The following MGST1 variants were observed in gnomAD, a reference collection of about 807,000 sequenced individuals.
The protein encoded by MGST1 is microsomal glutathione S-transferase 1.
Under a neutral mutation model 8.9 loss-of-function variants are expected in MGST1, and 5 were observed. That is an observed-to-expected ratio of 0.56 (90% CI 0.29 to 1.19). The LOEUF (loss-of-function observed/expected upper bound fraction) is 1.19, where lower values mean the gene tolerates loss of function less well. Among genes scored for constraint, MGST1 ranks in the 50% most tolerant of loss-of-function variants. The probability of loss-of-function intolerance (pLI) is 0.08; values close to 1 mark genes in which losing one functional copy is unlikely to be tolerated. For missense variants in MGST1, 182 were observed against 187.4 expected (o/e 0.97, Z 0.17); for synonymous variants, 54 against 67.8 (o/e 0.80, Z 1.00).
At chr12:16,554,597 A>G (rs575491825) in intron 4 of MGST1, among the ~76,000 whole-genome samples, 5 of 152,342 alleles carry the variant, frequency 3.3e-5, no homozygotes, top group African/African-American at 1.2e-4. Context: ...GACACTACCC[A>G]CACCCCAAAT....
Position 16,400,147 on chromosome 12 carries a change from T to A in MGST1, n.778+16543T>A, listed in dbSNP as rs149340970. ...TTCCATCTGCTCAGCATAGAGGTCA[T>A]CTCGGTCATGCATATGTTGATGTTT... is the stretch of plus-strand genomic sequence containing the variant. On this transcript the variant is annotated intron_variant and non_coding_transcript_variant, in intron 1 of 1. Coordinates refer to the MGST1 transcript ENST00000359720. The A allele has an allele frequency of 3.2e-4, 439 of 1,390,238 alleles. 3 individuals are homozygous for A. In the East Asian group the frequency reaches 8.4e-3, roughly 27 times the overall value. The allele number at this position is 1,390,238 out of a possible 1,614,324, so 86.1% of individuals were successfully genotyped here. A position where few individuals can be genotyped will look rare whatever the true frequency, so the allele number is the denominator to read the frequency against.
At chr12:16,364,519 A>G (rs554298767), downstream of MGST1, 26 of 455,576 alleles carry the variant, frequency 5.7e-5, no homozygotes, top group South Asian at 2.3e-3. The surrounding 1 kb of genome is among the most constrained non-coding windows in gnomAD (Gnocchi z 5.7). Flanking sequence ...TAGAATCGCC[A>G]GTTGTTAACA....
At position 16,413,563 on chromosome 12, in the gene MGST1, C is replaced by A. The variant is rs1940760293; in HGVS notation, n.779-23825C>A. ...GGTAGATGGTGAAATACCCATCACA[C>A]CTGATTCCCTTTTATCCCCTCCCCA... On this transcript the variant is annotated intron_variant and non_coding_transcript_variant, in intron 1 of 1. Transcript: ENST00000359720. The surrounding 1 kb of genome is among the most constrained non-coding windows in gnomAD (Gnocchi z 4.0). 6.6e-6 allele frequency among the ~76,000 whole-genome samples: 1 copy of A among 152,158 alleles called. No individual in the cohort carries two copies. Among genetic ancestry groups the A allele is most frequent in the Admixed American group, 6.6e-5 (1 of 15,266 alleles).
intron 4 of MGST1, among the ~76,000 whole-genome samples, chr12:16,453,307 GC>G (rs1473463149): frequency 6.6e-6 from 1 of 151,842 alleles, no homozygotes; most frequent in African/African-American, 2.4e-5. Flanking sequence ...AAATTCTGAA[GC>G]TTTTCCTTAA....
intron 4 of MGST1, among the ~76,000 whole-genome samples, chr12:16,526,501 C>A (rs923448202): frequency 6.6e-6 from 1 of 151,788 alleles, no homozygotes; most frequent in African/African-American, 2.4e-5. Flanking sequence ...AAATTTCCTG[C>A]AGAATATTGT....
intron 4 of MGST1, among the ~76,000 whole-genome samples, chr12:16,570,143 A>AT (rs778723855): frequency 1.1e-4 from 16 of 152,266 alleles, no homozygotes; most frequent in East Asian, 3.9e-4. Flanking sequence ...GCTTTTAAGA[A>AT]TTTTTTGTGA....
At chr12:16,384,284 C>G (rs201117700) in intron 1 of MGST1, among the ~76,000 whole-genome samples, 1 of 151,992 alleles carries the variant, frequency 6.6e-6, no homozygotes, top group African/African-American at 2.4e-5. Context: ...TAAATGTGAC[C>G]TTTTGTGGAA....
Position 16,401,918 on chromosome 12 carries a change from C to G in MGST1, n.778+18314C>G. 6.2e-7 allele frequency: 1 copy of G among 1,607,844 alleles called. No individual in the cohort carries two copies. The highest frequency in any genetic ancestry group is 8.5e-7 in the Non-Finnish European group (1 of 1,174,264). Reference sequence around the variant, plus strand: ...CCTCCCTTACAGCGACTGTATATGCCACAACTGCACTGATATCTATTTTGT... The same window carrying G: ...CCTCCCTTACAGCGACTGTATATGCGACAACTGCACTGATATCTATTTTGT... On this transcript the variant is annotated intron_variant and non_coding_transcript_variant, in intron 1 of 1. Coordinates refer to the MGST1 transcript ENST00000359720. The surrounding 1 kb of genome is among the most constrained non-coding windows in gnomAD (Gnocchi z 4.3).
downstream of MGST1, among the ~76,000 whole-genome samples, chr12:16,380,422 G>A (rs945994643): frequency 1.3e-5 from 2 of 152,168 alleles, no homozygotes; most frequent in South Asian, 4.1e-4. Context: ...TCAGGAGCAG[G>A]TTGTTCAGTT....
intron 4 of MGST1, among the ~76,000 whole-genome samples, chr12:16,568,624 G>C (rs1344729618): frequency 6.6e-6 from 1 of 152,160 alleles, no homozygotes; most frequent in African/African-American, 2.4e-5. Flanking sequence ...AATAATTTTT[G>C]AAAATATTGA....
At chr12:16,551,193 T>A in intron 4 of MGST1, 1 of 1,338,282 alleles carries the variant, frequency 7.5e-7, no homozygotes, top group Non-Finnish European at 1.1e-6. Context: ...TGTAGTGCTT[T>A]GTATTCTTAA....
At chr12:16,431,488 T>G in intron 1 of MGST1, among the ~76,000 whole-genome samples, 1 of 152,022 alleles carries the variant, frequency 6.6e-6, no homozygotes, top group Non-Finnish European at 1.5e-5. Flanking sequence ...TCAGAGGCCA[T>G]TGTAAGTTCA....
chr12:16,505,542 C>G (rs1302894046), intron 4 of MGST1, among the ~76,000 whole-genome samples: 1 of 152,180 alleles, frequency 6.6e-6, no homozygotes, highest in Non-Finnish European at 1.5e-5. Context: ...AATTCAGTGT[C>G]CTTCTTTCTT....
chr12:16,354,263 T>G lies in MGST1; in HGVS notation c.11T>G (p.Leu4Arg), dbSNP rs1254825347. Residue 4 changes from leucine to arginine, a missense_variant, in exon 2 of 4, where the codon CTC (leucine) becomes CGC (arginine). Transcript: ENST00000396210. ...ACCAAAATTGAAAAAATGGTTGACC[T>G]CACCCAGGTAATGGATGATGAAGTA... is the stretch of plus-strand genomic sequence containing the variant. MVD[L>R]TQVMDDEVFM... The G allele has an allele frequency of 6.3e-7, 1 of 1,587,088 alleles. No individual in the cohort carries two copies. Among genetic ancestry groups the G allele is most frequent in the African/African-American group, 1.4e-5 (1 of 73,550 alleles).
chr12:16,411,270 C>A (rs1452316196), intron 1 of MGST1, among the ~76,000 whole-genome samples: 1 of 152,072 alleles, frequency 6.6e-6, no homozygotes, highest in Non-Finnish European at 1.5e-5. Flanking sequence ...TCTAGTGCAA[C>A]TCTGGTACTT....
intron 4 of MGST1, among the ~76,000 whole-genome samples, chr12:16,531,535 C>G (rs1406289439): frequency 6.6e-6 from 1 of 152,072 alleles, no homozygotes; most frequent in Non-Finnish European, 1.5e-5. Context: ...GCAGAAGGAT[C>G]CCTTGAGCCT....
chr12:16,423,128 C>G (rs1305495215), intron 1 of MGST1, among the ~76,000 whole-genome samples: 1 of 152,194 alleles, frequency 6.6e-6, no homozygotes. Context: ...GAGGGCTCAT[C>G]TTACTTTTTT....
chr12:16,432,510 AT>A lies in MGST1; in HGVS notation n.779-4875del, dbSNP rs1219569587. On this transcript the variant is annotated intron_variant and non_coding_transcript_variant, in intron 1 of 1. Transcript: ENST00000359720. ...AGGTGGTTGAATTTTTTTCCTCTTG[AT>A]TTCTCCCTCATAGTAGCAATGGAAC... Among the ~76,000 whole-genome samples the A allele has an allele frequency of 2.6e-5, 4 of 151,814 alleles. No individual in the cohort carries two copies. The East Asian group carries it at 5.8e-4, about 22-fold the overall frequency.
chr12:16,560,861 T>G lies in MGST1; in HGVS notation n.483-28667T>G. 9.8e-6 allele frequency: 3 copies of G among 307,462 alleles called. 1 individual carries two copies. In the South Asian group the frequency reaches 1.1e-4, roughly 11 times the overall value. The allele number at this position is 307,462 out of a possible 1,614,324, so 19.0% of individuals were successfully genotyped here. The stretch of plus-strand genomic sequence containing the variant: ...TCTGGGTTAGAGTATATAGAAAATA[T>G]AAAAGCAATATAACTTTGCTCTTAA... On this transcript the variant is annotated intron_variant and non_coding_transcript_variant, in intron 4 of 4. Transcript: ENST00000538857. This position sits in a 1 kb window ranked among gnomAD's most constrained non-coding sequence, Gnocchi z 5.0.
Sources: allele counts gnomAD v4.1 joint callset (sites outside exome capture counted in the v4.1 genomes callset), GRCh38; gene constraint gnomAD v4.1.1; non-coding constraint Gnocchi (gnomAD v3.1); transcripts MANE v1.5; gene names NCBI Gene and HGNC (gene_info 2026-07-23, HGNC 2026-07-21).